Variants in ANKRD55 observed in about 807,000 individuals in gnomAD.
ANKRD55 encodes ankyrin repeat domain 55, also known as ankyrin repeat domain-containing protein 55.
A neutral mutation model predicts 60.6 loss-of-function variants in ANKRD55; 41 were observed. The observed-to-expected ratio is 0.68, with a 90% CI of 0.53 to 0.88. The LOEUF (loss-of-function observed/expected upper bound fraction) is 0.88. ANKRD55 is among the 40% of genes least tolerant of loss of function. The probability of loss-of-function intolerance (pLI) is 0.00; values close to 1 mark genes in which losing one functional copy is unlikely to be tolerated. For missense variants in ANKRD55, 732 were observed against 767.6 expected, an observed-to-expected ratio of 0.95 and a Z score of 0.55; for synonymous variants, 264 against 290.3, an observed-to-expected ratio of 0.91 and a Z score of 0.92.
intron 10 of ANKRD55, among the ~76,000 whole-genome samples, chr5:56,104,538 C>T (rs1487593051): frequency 6.6e-6 from 1 of 152,134 alleles, no homozygotes; most frequent in Non-Finnish European, 1.5e-5. Context: ...CTGTCTGGTG[C>T]TGCAGGCAAC....
At chr5:56,230,043 G>A (rs748109920) in intron 2 of ANKRD55, among the ~76,000 whole-genome samples, 2 of 152,138 alleles carry the variant, frequency 1.3e-5, no homozygotes, top group Non-Finnish European at 2.9e-5. Context: ...AGTTAAACTG[G>A]AATCTCCCTG....
chr5:56,193,851 C>CTA (rs925218032), intron 2 of ANKRD55, among the ~76,000 whole-genome samples: 5 of 151,982 alleles, frequency 3.3e-5, no homozygotes, highest in South Asian at 4.1e-4. Flanking sequence ...AAAAATATAT[C>CTA]TATATATATA....
At chr5:56,180,365 T>C (rs897825424) in intron 3 of ANKRD55, among the ~76,000 whole-genome samples, 1 of 152,248 alleles carries the variant, frequency 6.6e-6, no homozygotes, top group African/African-American at 2.4e-5. Flanking sequence ...CCTTCCACTT[T>C]ATTCTTTTTC....
At chr5:56,119,317 C>A (rs1041101319) in intron 8 of ANKRD55, among the ~76,000 whole-genome samples, 1 of 152,112 alleles carries the variant, frequency 6.6e-6, no homozygotes, top group African/African-American at 2.4e-5. Flanking sequence ...TGAAATAAAT[C>A]AAATAAATCA....
At chr5:56,163,596 G>A (rs1758382898) in intron 5 of ANKRD55, among the ~76,000 whole-genome samples, 1 of 152,182 alleles carries the variant, frequency 6.6e-6, no homozygotes, top group African/African-American at 2.4e-5. Context: ...TGAGTCATAA[G>A]AGCACTGATG....
chr5:56,220,319 G>C (rs1759927927), intron 2 of ANKRD55, among the ~76,000 whole-genome samples: 3 of 152,194 alleles, frequency 2.0e-5, no homozygotes, highest in African/African-American at 7.2e-5. Context: ...AAGGGTGGAA[G>C]GAAAGGGATG....
At chr5:56,140,144 G>A (rs145205303) in intron 7 of ANKRD55, among the ~76,000 whole-genome samples, 26 of 152,258 alleles carry the variant, frequency 1.7e-4, no homozygotes, top group African/African-American at 6.3e-4. Context: ...AGGAAATTCA[G>A]AAAAAGGAAT....
intron 2 of ANKRD55, among the ~76,000 whole-genome samples, chr5:56,196,970 C>T (rs1011308651): frequency 3.3e-5 from 5 of 152,178 alleles, no homozygotes; most frequent in Admixed American, 1.3e-4. Flanking sequence ...ATCAGATACT[C>T]TAGGAGCAGG....
chr5:56,112,504 C>CAAAAAAAAA lies in ANKRD55; in HGVS notation c.966-731_966-723dup, dbSNP rs1187255213. ...CAACATGGCAGGATCTCATCTCTAG[C>CAAAAAAAAA]AAAAAAAAAAAAAAAAAACAACCAA... is the stretch of plus-strand genomic sequence containing the variant. On this transcript the variant is annotated intron_variant, in intron 9 of 11. Coordinates refer to ENST00000341048, the MANE Select transcript of ANKRD55 (RefSeq NM_024669.3). Among the ~76,000 whole-genome samples the CAAAAAAAAA allele has an allele frequency of 4.9e-3, 126 of 25,656 alleles. 17 individuals carry two copies. The highest frequency in any genetic ancestry group is 0.071 in the Middle Eastern group (2 of 28). 16.8% of individuals were successfully genotyped at this position (25,656 alleles called of 152,430 possible).
chr5:56,147,613 T>C (rs1215823273), intron 6 of ANKRD55, among the ~76,000 whole-genome samples: 2 of 152,170 alleles, frequency 1.3e-5, no homozygotes, highest in East Asian at 1.9e-4. Flanking sequence ...ATCCTCTGAA[T>C]GGCTCCAAAT....
intron 2 of ANKRD55, among the ~76,000 whole-genome samples, chr5:56,226,945 C>A (rs954580012): frequency 1.6e-4 from 25 of 152,278 alleles, no homozygotes; most frequent in Admixed American, 3.3e-4. Context: ...TGTCAAGGAT[C>A]TAGAACTAGA....
chr5:56,124,657 G>A lies in ANKRD55; in HGVS notation c.797+2265C>T, dbSNP rs905441510. On this transcript the variant is annotated intron_variant, in intron 8 of 11. Coordinates refer to ENST00000341048, the MANE Select transcript of ANKRD55 (RefSeq NM_024669.3). The stretch of plus-strand genomic sequence containing the variant: ...GGAGTAGCTAGGATTACAGGCGTGC[G>A]CCACCACGCCCGGCTAATTTTTGTA... Among the ~76,000 whole-genome samples the A allele has an allele frequency of 3.3e-5, 5 of 152,098 alleles. 1 individual carries two copies. Among genetic ancestry groups the A allele is most frequent in the African/African-American group, 7.2e-5 (3 of 41,446 alleles).
intron 9 of ANKRD55, among the ~76,000 whole-genome samples, chr5:56,112,505 A>AC (rs1434188622): frequency 5.3e-5 from 6 of 112,924 alleles, no homozygotes; most frequent in Non-Finnish European, 9.7e-5. Context: ...CATCTCTAGC[A>AC]AAAAAAAAAA....
At chr5:56,119,137 T>C (rs561077213) in intron 8 of ANKRD55, among the ~76,000 whole-genome samples, 131 of 152,324 alleles carry the variant, frequency 8.6e-4, no homozygotes, top group African/African-American at 3.0e-3. Context: ...AGAAGCATTA[T>C]CATAATTGTC....
At chr5:56,121,702 T>C (rs1757068981) in intron 8 of ANKRD55, among the ~76,000 whole-genome samples, 2 of 152,150 alleles carry the variant, frequency 1.3e-5, no homozygotes, top group African/African-American at 4.8e-5. Flanking sequence ...AAAGATTGTA[T>C]GCTCCACGTG....
chr5:56,167,237 C>A (rs141654011), intron 5 of ANKRD55, among the ~76,000 whole-genome samples: 5 of 152,268 alleles, frequency 3.3e-5, no homozygotes, highest in African/African-American at 1.2e-4. Flanking sequence ...GATGGTAGAG[C>A]GTACTACACA....
At chr5:56,203,954 A>G (rs1581019532) in intron 2 of ANKRD55, among the ~76,000 whole-genome samples, 2 of 152,120 alleles carry the variant, frequency 1.3e-5, no homozygotes, top group South Asian at 4.1e-4. Flanking sequence ...TCCCACCAAC[A>G]GTGTAAAAGT....
chr5:56,188,584 C>A (rs559491049), intron 2 of ANKRD55, among the ~76,000 whole-genome samples: 15 of 152,122 alleles, frequency 9.9e-5, no homozygotes, highest in Non-Finnish European at 2.1e-4. Context: ...TGTCCTTTCC[C>A]AAATGTATGT....
chr5:56,181,874 C>T lies in ANKRD55; in HGVS notation c.181+1638G>A, dbSNP rs113772609. ...CCTCCCGAAGTGTTGGGATTATAGG[C>T]GTGAGCCACCGTGTCCGGCCTATTT... On this transcript the variant is annotated intron_variant, in intron 3 of 11. Transcript: ENST00000341048. Among the ~76,000 whole-genome samples the T allele has an allele frequency of 4.4e-3, 675 of 152,280 alleles. 6 individuals carry two copies. The highest frequency in any genetic ancestry group is 0.015 in the African/African-American group (627 of 41,548).
Sources: gnomAD v4.1 joint callset for allele counts (sites outside exome capture counted in the v4.1 genomes callset) on GRCh38, gnomAD v4.1.1 for gene constraint, MANE v1.5 for transcripts, NCBI Gene and HGNC (gene_info 2026-07-23, HGNC 2026-07-21) for gene names.